Variants in EPG5 observed in about 807,000 individuals in gnomAD.
EPG5 encodes the protein ectopic P granules protein 5 homolog.
In EPG5, 159 loss-of-function variants were observed where a neutral mutation model predicts 302.7. That is an observed-to-expected ratio of 0.53 (90% CI 0.46 to 0.60). The LOEUF (loss-of-function observed/expected upper bound fraction) is 0.60. EPG5 is among the 20% of genes least tolerant of loss of function. The probability of loss-of-function intolerance (pLI) is 0.00; values close to 1 mark genes in which losing one functional copy is unlikely to be tolerated. For synonymous variants in EPG5, 1,158 were observed against 1,136.8 expected (o/e 1.02, Z -0.37); for missense variants, 2,896 against 3,092.4 (o/e 0.94, Z 1.51).
At chr18:45,806,967 C>G in the EPG5 span, among the ~76,000 whole-genome samples, 115,085 of 152,048 alleles carry the variant, frequency 0.76, 44,792 homozygotes, top group African/African-American at 0.93. Flanking sequence ...AGGTATCGTG[C>G]GGCAAGTTCT....
intron 27 of EPG5, among the ~76,000 whole-genome samples, chr18:45,893,338 GT>G (rs1318759875): frequency 3.3e-5 from 5 of 152,120 alleles, no homozygotes; most frequent in Non-Finnish European, 5.9e-5. Context: ...GCCAAGGTGG[GT>G]GGTTCACTTG....
At chr18:45,872,406 A>T (rs997943232) in intron 35 of EPG5, among the ~76,000 whole-genome samples, 1 of 152,198 alleles carries the variant, frequency 6.6e-6, no homozygotes, top group Non-Finnish European at 1.5e-5. Flanking sequence ...CAAATCTTTT[A>T]AAAAATGGCC....
chr18:45,913,653 C>T, intron 21 of EPG5, 53 bp downstream of exon 21: 1 of 1,603,366 alleles, frequency 6.2e-7, no homozygotes, highest in East Asian at 2.2e-5. Context: ...AATCCATCAG[C>T]ATCAAAGTGT....
intron 24 of EPG5, 135 bp from the exon 25 acceptor site, chr18:45,904,252 T>C: frequency 1.0e-6 from 1 of 969,020 alleles, no homozygotes; most frequent in South Asian, 1.7e-5. Context: ...ACCATTAGGA[T>C]AAATTGCCAT....
At chr18:45,874,089 G>C (rs1256549427) in intron 35 of EPG5, among the ~76,000 whole-genome samples, 1 of 149,898 alleles carries the variant, frequency 6.7e-6, no homozygotes, top group East Asian at 1.9e-4. Flanking sequence ...GTGGGCACAT[G>C]TTATTTGTCA....
downstream of EPG5, among the ~76,000 whole-genome samples, chr18:45,846,399 T>C (rs926758636): frequency 1.3e-5 from 2 of 151,516 alleles, no homozygotes; most frequent in Non-Finnish European, 2.9e-5. Context: ...CAGGTGCCTG[T>C]AATCCCAGCT....
intron 4 of EPG5, among the ~76,000 whole-genome samples, 199 bp downstream of exon 4, chr18:45,950,899 TAGAG>T (rs1341398519): frequency 6.6e-6 from 1 of 152,216 alleles, no homozygotes; most frequent in African/African-American, 2.4e-5. Flanking sequence ...TAATCTTTAC[TAGAG>T]AGAAACATAC....
the EPG5 span, chr18:45,837,480 C>T: frequency 2.1e-6 from 3 of 1,447,070 alleles, no homozygotes; most frequent in African/African-American, 1.5e-5. Context: ...GACCCCAGGG[C>T]CCCGAGCCTG....
At position 45,866,838 on chromosome 18, in the gene EPG5, GA is replaced by G; in HGVS notation, c.6580del (p.Ser2194LeufsTer42). 5.6e-6 allele frequency: 9 copies of G among 1,614,130 alleles called. No homozygotes were observed. Among genetic ancestry groups the G allele is most frequent in the Non-Finnish European group, 7.6e-6 (9 of 1,180,002 alleles). ...GTCAGTAGGAATAGAAAGGCCCGCA[GA>G]CACTTTTAGGAGCTTCATGATTAAT... ...AELIMKLLKV[S>X]AGLSIPTDSQ... is the part of the protein sequence containing the mutation. On this transcript the variant is annotated frameshift_variant, in exon 38 of 44. Coordinates refer to ENST00000282041, the MANE Select transcript of EPG5 (RefSeq NM_020964.3). LOFTEE classifies it high-confidence loss of function.
chr18:45,936,456 G>A (rs1301580984), intron 10 of EPG5, among the ~76,000 whole-genome samples: 3 of 109,354 alleles, frequency 2.7e-5, no homozygotes, highest in Non-Finnish European at 5.1e-5. Flanking sequence ...GGCTGGATGC[G>A]GTGGCTCACG....
At chr18:45,860,465 G>T in intron 39 of EPG5, 119 bp from the exon 40 acceptor site, 1 of 1,288,226 alleles carries the variant, frequency 7.8e-7, no homozygotes, top group Non-Finnish European at 1.1e-6. Context: ...AGTGCTAGTA[G>T]CTGACTGCAA....
rs62095370 is a variant in EPG5, at chr18:45,865,766, A to G, written c.6622-7T>C. On this transcript the variant is annotated splice_region_variant and splice_polypyrimidine_tract_variant and intron_variant, in intron 38 of 43. Coordinates refer to ENST00000282041, the MANE Select transcript of EPG5 (RefSeq NM_020964.3). ...GGCATTTTGGAACTGCATCCTGACC[A>G]AAAAAAAAAAAAAAAATCATTCAAA... 2 of 145,578 alleles carry G rather than the reference A, an allele frequency of 1.4e-5. No individual in the cohort carries two copies. The highest frequency in any genetic ancestry group is 2.6e-4 in the Admixed American group (2 of 7,716). The allele number at this position is 145,578 out of a possible 1,614,324, so 9.0% of individuals were successfully genotyped here. A position where few individuals can be genotyped will look rare whatever the true frequency, so the allele number is the denominator to read the frequency against.
chr18:45,943,926 A>C, intron 8 of EPG5, 79 bp downstream of exon 8: 1 of 947,432 alleles, frequency 1.1e-6, no homozygotes, highest in Admixed American at 2.0e-5. Context: ...ATCTCAAAAA[A>C]AAAAAGAAGA....
rs1368663737 is a variant in EPG5, at chr18:45,915,678, AC to A, written c.3583-58del. Reference sequence around the variant, plus strand: ...GGTTTTAAGGAAAATCTTATCAATGACCTTTACAAGAGTATCAGCAACTGTC... The same window carrying A: ...GGTTTTAAGGAAAATCTTATCAATGACTTTACAAGAGTATCAGCAACTGTC... On this transcript the variant is annotated intron_variant, in intron 19 of 43. Coordinates refer to ENST00000282041, the MANE Select transcript of EPG5 (RefSeq NM_020964.3). The A allele has an allele frequency of 3.8e-6, 5 of 1,318,278 alleles. No homozygotes were observed. The African/African-American group carries it at 7.2e-5, about 19-fold the overall frequency. The allele number at this position is 1,318,278 out of a possible 1,614,324, so 81.7% of individuals were successfully genotyped here.
chr18:45,967,241 G>T lies in EPG5; in HGVS notation c.-2C>A. On this transcript the variant is annotated 5_prime_UTR_variant, in exon 1 of 44. Transcript: ENST00000282041. ...CTGGGGCTTCACCGCCTCGGCCATA[G>T]ACCCTTCCGCGGCGCCGTCACCGTT... 6.3e-7 allele frequency: 1 copy of T among 1,595,538 alleles called. No homozygotes were observed. Among genetic ancestry groups the T allele is most frequent in the Non-Finnish European group, 8.5e-7 (1 of 1,171,338 alleles).
intron 11 of EPG5, 84 bp downstream of exon 11, chr18:45,934,725 C>T: frequency 1.4e-6 from 2 of 1,447,830 alleles, no homozygotes; most frequent in African/African-American, 1.4e-5. Flanking sequence ...TTCTCTTAGT[C>T]CTTCTAAAAG....
downstream of EPG5, among the ~76,000 whole-genome samples, chr18:45,845,541 C>G (rs936478410): frequency 6.6e-6 from 1 of 152,208 alleles, no homozygotes; most frequent in Non-Finnish European, 1.5e-5. Context: ...TGTCTTCCCC[C>G]ACCCACCCTC....
chr18:45,845,269 G>T (rs1233743930), downstream of EPG5, among the ~76,000 whole-genome samples: 3 of 152,214 alleles, frequency 2.0e-5, no homozygotes, highest in Non-Finnish European at 4.4e-5. Context: ...TCCTCAGAGA[G>T]ACATGCCTCT....
chr18:45,964,758 T>G (rs1454145916), intron 1 of EPG5, among the ~76,000 whole-genome samples: 1 of 152,096 alleles, frequency 6.6e-6, no homozygotes, highest in African/African-American at 2.4e-5. Flanking sequence ...ACCTGGGGTC[T>G]GGAGTTCGAG....
Sources: gnomAD v4.1 joint callset for allele counts (sites outside exome capture counted in the v4.1 genomes callset) on GRCh38, gnomAD v4.1.1 for gene constraint, MANE v1.5 for transcripts, NCBI Gene and HGNC (gene_info 2026-07-23, HGNC 2026-07-21) for gene names.